Variants in NXPE2 observed in about 807,000 individuals in gnomAD.
The protein encoded by NXPE2 is NXPE family member 2.
Under a neutral mutation model 34.4 loss-of-function variants are expected in NXPE2, and 34 were observed. The observed-to-expected ratio is 0.99, with a 90% CI of 0.75 to 1.31. The LOEUF (loss-of-function observed/expected upper bound fraction) is 1.31, where lower values mean the gene tolerates loss of function less well. NXPE2 is among the 40% of genes most tolerant of loss of function. The probability of loss-of-function intolerance (pLI) is 0.00; values close to 1 mark genes in which losing one functional copy is unlikely to be tolerated. For missense variants in NXPE2, 649 were observed against 672.5 expected, an observed-to-expected ratio of 0.97 and a Z score of 0.39; for synonymous variants, 235 against 231.3, an observed-to-expected ratio of 1.02 and a Z score of -0.15.
the NXPE2 span, among the ~76,000 whole-genome samples, chr11:114,534,798 C>A: frequency 6.6e-6 from 1 of 152,152 alleles, no homozygotes; most frequent in Non-Finnish European, 1.5e-5. Flanking sequence ...ACCAAATCTA[C>A]GTCTAATTGG....
At chr11:114,466,616 T>C in the NXPE2 span, among the ~76,000 whole-genome samples, 1 of 152,252 alleles carries the variant, frequency 6.6e-6, no homozygotes, top group South Asian at 2.1e-4. Context: ...TTACTAATTT[T>C]CTATTGTGAG....
At chr11:114,731,543 TA>T in the NXPE2 span, among the ~76,000 whole-genome samples, 1 of 152,082 alleles carries the variant, frequency 6.6e-6, no homozygotes, top group Non-Finnish European at 1.5e-5. Flanking sequence ...TACTCAGCAA[TA>T]AAAAGGAACA....
At chr11:114,580,960 T>C in the NXPE2 span, among the ~76,000 whole-genome samples, 1 of 152,162 alleles carries the variant, frequency 6.6e-6, no homozygotes, top group African/African-American at 2.4e-5. Context: ...GCAGGTTTGA[T>C]TATTAATCAA....
At chr11:114,647,704 T>C in the NXPE2 span, among the ~76,000 whole-genome samples, 1 of 144,820 alleles carries the variant, frequency 6.9e-6, no homozygotes, top group Non-Finnish European at 1.5e-5. Flanking sequence ...TATTTTATTT[T>C]ATTTTTTTTT....
chr11:114,629,963 AG>A, the NXPE2 span, among the ~76,000 whole-genome samples: 1 of 150,536 alleles, frequency 6.6e-6, no homozygotes, highest in African/African-American at 2.5e-5. Context: ...CCAACTTACA[AG>A]GGACGTGAAG....
chr11:114,535,387 A>C, the NXPE2 span, among the ~76,000 whole-genome samples: 2 of 152,214 alleles, frequency 1.3e-5, no homozygotes, highest in Admixed American at 6.5e-5. Flanking sequence ...CGAGCAAAAT[A>C]ACCAGCTAAC....
At chr11:114,468,619 T>G in the NXPE2 span, among the ~76,000 whole-genome samples, 1 of 152,186 alleles carries the variant, frequency 6.6e-6, no homozygotes, top group African/African-American at 2.4e-5. Flanking sequence ...GGGAGGAGAC[T>G]GCTACTGGCA....
chr11:114,640,223 A>C, the NXPE2 span, among the ~76,000 whole-genome samples: 1 of 140,756 alleles, frequency 7.1e-6, no homozygotes, highest in South Asian at 2.1e-4. Context: ...AATGTAATTT[A>C]TATATATAAA....
chr11:114,501,971 T>G, the NXPE2 span, among the ~76,000 whole-genome samples: 3 of 152,210 alleles, frequency 2.0e-5, no homozygotes, highest in African/African-American at 7.2e-5. Flanking sequence ...TCACATTATT[T>G]GTCTAAGACA....
At chr11:114,621,302 G>T in the NXPE2 span, among the ~76,000 whole-genome samples, 4 of 152,104 alleles carry the variant, frequency 2.6e-5, no homozygotes, top group Admixed American at 1.3e-4. Flanking sequence ...AACAAGTATT[G>T]CTTTGTGGGT....
intron 2 of NXPE2, among the ~76,000 whole-genome samples, chr11:114,684,082 T>A (rs1173491955): frequency 1.4e-4 from 21 of 152,066 alleles, no homozygotes; most frequent in Admixed American, 1.4e-3. Flanking sequence ...GTCAACCAAG[T>A]GGAGATGTTG....
chr11:114,651,259 G>A, the NXPE2 span, among the ~76,000 whole-genome samples: 2 of 152,006 alleles, frequency 1.3e-5, no homozygotes, highest in Admixed American at 6.6e-5. Flanking sequence ...GATGTGTCCG[G>A]AGTTTCTTCC....
chr11:114,752,602 T>A, the NXPE2 span, among the ~76,000 whole-genome samples: 1 of 151,906 alleles, frequency 6.6e-6, no homozygotes, highest in Non-Finnish European at 1.5e-5. Context: ...AGGTTCAGGA[T>A]CTATTCTGAA....
intron 2 of NXPE2, among the ~76,000 whole-genome samples, chr11:114,686,159 G>A (rs1951042735): frequency 6.6e-6 from 1 of 151,944 alleles, no homozygotes; most frequent in African/African-American, 2.4e-5. Flanking sequence ...TACATGTGCA[G>A]GTTTCTTATA....
the NXPE2 span, among the ~76,000 whole-genome samples, chr11:114,717,829 T>C: frequency 3.3e-5 from 5 of 152,190 alleles, no homozygotes; most frequent in African/African-American, 9.6e-5. Context: ...TCTAGGTTTG[T>C]TGGGGGAGAG....
chr11:114,506,979 C>T, the NXPE2 span, among the ~76,000 whole-genome samples: 1 of 151,744 alleles, frequency 6.6e-6, no homozygotes, highest in African/African-American at 2.4e-5. Flanking sequence ...AAATAGACCA[C>T]TAGCTAGACT....
At chr11:114,680,196 C>T (rs1242996953) in intron 2 of NXPE2, among the ~76,000 whole-genome samples, 2 of 152,084 alleles carry the variant, frequency 1.3e-5, no homozygotes, top group African/African-American at 4.8e-5. Context: ...CACCTTGCTT[C>T]CAGTTTCTTT....
the NXPE2 span, among the ~76,000 whole-genome samples, chr11:114,542,877 T>C: frequency 6.6e-6 from 1 of 152,170 alleles, no homozygotes; most frequent in Non-Finnish European, 1.5e-5. Flanking sequence ...ATATATATGA[T>C]TATAACACAA....
chr11:114,669,125 C>T, the NXPE2 span, among the ~76,000 whole-genome samples: 1 of 151,966 alleles, frequency 6.6e-6, no homozygotes, highest in African/African-American at 2.4e-5. Flanking sequence ...TGACTTCCAG[C>T]AAAAATGTGA....
Sources: allele counts gnomAD v4.1 joint callset (sites outside exome capture counted in the v4.1 genomes callset), GRCh38; gene constraint gnomAD v4.1.1; transcripts MANE v1.5; gene names NCBI Gene and HGNC (gene_info 2026-07-23, HGNC 2026-07-21).